The following PLEKHG1 variants were observed in gnomAD, a reference collection of about 807,000 sequenced individuals.
PLEKHG1 encodes the protein pleckstrin homology domain-containing family G member 1.
Under a neutral mutation model 100.8 loss-of-function variants are expected in PLEKHG1, and 44 were observed. That is an observed-to-expected ratio of 0.44 (90% confidence interval 0.34 to 0.56). PLEKHG1 has a LOEUF of 0.56. PLEKHG1 is among the 20% of genes least tolerant of loss of function. The pLI is 0.01. For missense variants in PLEKHG1, 1,545 were observed against 1,720.9 expected (o/e 0.90, Z 1.81); for synonymous variants, 640 against 662.5 (o/e 0.97, Z 0.52).
chr6:150,696,623 A>C (rs1415492582), intron 3 of PLEKHG1, among the ~76,000 whole-genome samples: 2 of 152,224 alleles, frequency 1.3e-5, no homozygotes, highest in Non-Finnish European at 2.9e-5. Context: ...CACAAAAGGA[A>C]TCTTCAACCA....
chr6:150,750,104 T>C (rs1235815986), intron 2 of PLEKHG1, among the ~76,000 whole-genome samples: 1 of 150,944 alleles, frequency 6.6e-6, no homozygotes, highest in Non-Finnish European at 1.5e-5. Flanking sequence ...TAGAAGAACA[T>C]TTTTACTTCA....
chr6:150,655,485 G>A (rs1778926458), intron 3 of PLEKHG1, among the ~76,000 whole-genome samples: 2 of 152,034 alleles, frequency 1.3e-5, no homozygotes, highest in Non-Finnish European at 2.9e-5. Context: ...GAGGCGGGTA[G>A]ATCACAAGGT....
chr6:150,817,604 C>G (rs1055837841), intron 10 of PLEKHG1, among the ~76,000 whole-genome samples: 20 of 140,606 alleles, frequency 1.4e-4, no homozygotes, highest in African/African-American at 2.8e-5. Flanking sequence ...GTCGCCCAGG[C>G]TAGAGTGCAG....
rs1440353232 is a variant in PLEKHG1, at chr6:150,600,178, G to A, written c.-204+161G>A. Among the ~76,000 whole-genome samples, 2 of 151,392 alleles carry A rather than the reference G, an allele frequency of 1.3e-5. No homozygotes were observed. Among genetic ancestry groups the A allele is most frequent in the South Asian group, 2.1e-4 (1 of 4,830 alleles). ...TGCGCGCCCCTCCGCAGTGGGGACG[G>A]AGGGCCTTGGGGGGCGCCGAGCGGT... On this transcript the variant is annotated intron_variant, in intron 1 of 3. Coordinates refer to the PLEKHG1 transcript ENST00000367326. The surrounding 1 kb of genome is among the most constrained non-coding windows in gnomAD (Gnocchi z 6.2).
intron 1 of PLEKHG1, among the ~76,000 whole-genome samples, chr6:150,612,980 C>T (rs961455923): frequency 5.9e-5 from 9 of 152,208 alleles, no homozygotes; most frequent in African/African-American, 2.2e-4. Context: ...AGTTTCTCAT[C>T]TCAGAGTCAG....
At chr6:150,809,695 A>G in exon 10 of PLEKHG1, 1 of 1,614,060 alleles carries the variant, frequency 6.2e-7, no homozygotes, top group Non-Finnish European at 8.5e-7. Context: ...ACCTAAAGAG[A>G]CTGATTCTGG....
At position 150,834,686 on chromosome 6, in the gene PLEKHG1, G is replaced by A. The variant is rs796687578; in HGVS notation, c.3094+2481G>A. Among the ~76,000 whole-genome samples the A allele has an allele frequency of 4.6e-5, 7 of 152,264 alleles. 1 individual carries two copies. Among genetic ancestry groups the A allele is most frequent in the African/African-American group, 1.7e-4 (7 of 41,534 alleles). ...GGCTCTCCTTTTTGTTTTGCCTGCT[G>A]GTGTTGTCTTGGGATGCCCCAGGAT... On this transcript the variant is annotated intron_variant, in intron 15 of 15. Transcript: ENST00000358517.
At chr6:150,623,746 C>T (rs1352826695) in intron 1 of PLEKHG1, among the ~76,000 whole-genome samples, 2 of 152,182 alleles carry the variant, frequency 1.3e-5, no homozygotes, top group Admixed American at 6.5e-5. Context: ...CCAGCCAGAC[C>T]CACACGTTTG....
intron 2 of PLEKHG1, among the ~76,000 whole-genome samples, chr6:150,642,517 A>G (rs1041926998): frequency 9.2e-5 from 14 of 152,242 alleles, no homozygotes; most frequent in African/African-American, 3.1e-4. Flanking sequence ...TGCTGCCAAG[A>G]CCAAGATTTT....
At chr6:150,758,620 C>T (rs1212114445) in intron 2 of PLEKHG1, among the ~76,000 whole-genome samples, 1 of 152,224 alleles carries the variant, frequency 6.6e-6, no homozygotes, top group Non-Finnish European at 1.5e-5. Context: ...CAGGCGTGAG[C>T]CACCACACCT....
chr6:150,655,455 T>C lies in PLEKHG1; in HGVS notation c.-99+4669T>C, dbSNP rs183876579. Among the ~76,000 whole-genome samples, 1,062 of 152,086 alleles carry C rather than the reference T, an allele frequency of 7.0e-3. 14 individuals are homozygous for C. The highest frequency in any genetic ancestry group is 0.024 in the African/African-American group (1,007 of 41,482). ...CAGGTGCGGTGGCTCACGCCTGCAA[T>C]CCCAGCACTTAGGGAGGCCGAGGCG... On this transcript the variant is annotated intron_variant, in intron 3 of 3. Coordinates refer to the PLEKHG1 transcript ENST00000367326.
chr6:150,810,399 C>A (rs527774290), intron 10 of PLEKHG1, among the ~76,000 whole-genome samples: 1 of 151,150 alleles, frequency 6.6e-6, no homozygotes, highest in South Asian at 2.1e-4. Context: ...GCTGGGACTA[C>A]AGGTGCGCAC....
chr6:150,699,769 G>A (rs1780691703), intron 3 of PLEKHG1, among the ~76,000 whole-genome samples: 2 of 152,102 alleles, frequency 1.3e-5, no homozygotes, highest in African/African-American at 4.8e-5. Flanking sequence ...TAGTTTATTA[G>A]GGATCTTAAT....
At chr6:150,830,555 C>G in intron 14 of PLEKHG1, 27 bp from the exon 16 acceptor site, 1 of 1,519,086 alleles carries the variant, frequency 6.6e-7, no homozygotes, top group Non-Finnish European at 9.0e-7. Flanking sequence ...TGCTGTGATT[C>G]AGTTGATATG....
At chr6:150,815,686 G>A (rs1014093290) in intron 10 of PLEKHG1, among the ~76,000 whole-genome samples, 1 of 152,168 alleles carries the variant, frequency 6.6e-6, no homozygotes, top group Non-Finnish European at 1.5e-5. Context: ...GCTCCCCCAA[G>A]CCCCACACTT....
intron 1 of PLEKHG1, among the ~76,000 whole-genome samples, chr6:150,616,652 G>T (rs556943091): frequency 5.3e-5 from 8 of 152,220 alleles, no homozygotes; most frequent in Admixed American, 6.5e-5. Flanking sequence ...ATTTGGCAAG[G>T]GTTGTTTACT....
At chr6:150,690,304 G>A (rs182257108) in intron 3 of PLEKHG1, among the ~76,000 whole-genome samples, 350 of 151,890 alleles carry the variant, frequency 2.3e-3, no homozygotes, top group Non-Finnish European at 3.7e-3. Context: ...ATCCTGGTGC[G>A]CCCATCACCC....
At chr6:150,824,773 A>G (rs1436818278) in intron 14 of PLEKHG1, among the ~76,000 whole-genome samples, 2 of 152,082 alleles carry the variant, frequency 1.3e-5, no homozygotes, top group Non-Finnish European at 2.9e-5. Flanking sequence ...CAGGTGACCC[A>G]CCCGTCTCAG....
At chr6:150,787,282 G>A (rs1196313541) in intron 4 of PLEKHG1, among the ~76,000 whole-genome samples, 9 of 152,064 alleles carry the variant, frequency 5.9e-5, no homozygotes. Context: ...CAGTGGTTTC[G>A]AAAAATACAA....
Sources: gnomAD v4.1 joint callset for allele counts (sites outside exome capture counted in the v4.1 genomes callset) on GRCh38, gnomAD v4.1.1 for gene constraint, Gnocchi (gnomAD v3.1) non-coding constraint, MANE v1.5 for transcripts, NCBI Gene and HGNC (gene_info 2026-07-23, HGNC 2026-07-21) for gene names.